The following CHL1 variants were observed in gnomAD, a reference collection of about 807,000 sequenced individuals.
CHL1 encodes the protein cell adhesion molecule L1 like, also known as neural cell adhesion molecule L1-like protein.
Under a neutral mutation model 141.9 loss-of-function variants are expected in CHL1, and 96 were observed. The ratio of observed to expected loss-of-function variants is 0.68; its 90% CI spans 0.57 to 0.80. The LOEUF (loss-of-function observed/expected upper bound fraction) is 0.80. CHL1 is among the 30% of genes least tolerant of loss of function. The pLI, the probability that CHL1 is intolerant of heterozygous loss-of-function variation, is 0.00. For synonymous variants in CHL1, 613 were observed against 502.2 expected, an observed-to-expected ratio of 1.22 and a Z score of -2.95; for missense variants, 1,820 against 1,457.2, an observed-to-expected ratio of 1.25 and a Z score of -4.05.
Position 389,276 on chromosome 3 carries a change from G to A in CHL1, c.2272G>A (p.Gly758Arg). The A allele has an allele frequency of 6.2e-7, 1 of 1,611,718 alleles. No homozygotes were observed. Among genetic ancestry groups the A allele is most frequent in the Non-Finnish European group, 8.5e-7 (1 of 1,178,770 alleles). Residue 758 changes from glycine to arginine, a missense_variant, in exon 20 of 28, where the codon GGA (glycine) becomes AGA (arginine). Transcript: ENST00000256509. The stretch of plus-strand genomic sequence containing the variant: ...GCCTTTGAAATCCATGGAGCAGAAT[G>A]GACCAGGCCTAGAGTACAGAGTGAC... ...WEPLKSMEQN[G>R]PGLEYRVTWK...
rs1269701474 is a variant in CHL1 at position 398,250 on chromosome 3, G to A, written c.3118G>A (p.Gly1040Arg). 3 of 1,604,082 alleles carry A rather than the reference G, an allele frequency of 1.9e-6. No individual in the cohort carries two copies. In the South Asian group the frequency reaches 3.3e-5, roughly 18 times the overall value. Residue 1040 changes from glycine (G) to arginine (R), a missense_variant, in exon 25 of 28, where the codon GGA (glycine) becomes AGA (arginine). Gly to Arg is a moderately radical substitution (Grantham distance 125). Transcript: ENST00000256509. ...AGGTAAAGGTATCGGGAAGATATCA[G>A]GAGTAAATCTTACTCAAAAGACTCA... Reference protein sequence around the residue: ...EGSKGIGKISGVNLTQKTHPI... With the variant: ...EGSKGIGKISRVNLTQKTHPI...
chr3:379,342 C>A (rs1429944454), intron 16 of CHL1, among the ~76,000 whole-genome samples: 93 of 152,228 alleles, frequency 6.1e-4, no homozygotes, highest in Non-Finnish European at 7.4e-5. Context: ...GTTGTCGAGT[C>A]GGCTCAGTAG....
At chr3:202,768 T>C (rs929648279) in intron 1 of CHL1, among the ~76,000 whole-genome samples, 1 of 152,218 alleles carries the variant, frequency 6.6e-6, no homozygotes, top group Non-Finnish European at 1.5e-5. Flanking sequence ...TTACTAATCT[T>C]CTTGGTTTAA....
chr3:285,029 A>G (rs925039507), intron 2 of CHL1, among the ~76,000 whole-genome samples: 7 of 152,232 alleles, frequency 4.6e-5, no homozygotes, highest in South Asian at 2.1e-4. Context: ...TGCTTGCCTT[A>G]TGAAAGTAGG....
chr3:229,590 C>A (rs773770960), intron 1 of CHL1, among the ~76,000 whole-genome samples: 3 of 152,120 alleles, frequency 2.0e-5, no homozygotes, highest in Non-Finnish European at 2.9e-5. Context: ...CTTGTGTATT[C>A]GGAAGAATTA....
chr3:214,950 G>A (rs1360833014), intron 1 of CHL1, among the ~76,000 whole-genome samples: 1 of 80,374 alleles, frequency 1.2e-5, no homozygotes, highest in Non-Finnish European at 2.5e-5. Flanking sequence ...CCTAGCATGT[G>A]CACGTGCACA....
Position 391,741 on chromosome 3 carries a change from G to T in CHL1, c.2858G>T (p.Gly953Val), listed in dbSNP as rs367930358. Residue 953 changes from glycine to valine, a missense_variant, in exon 23 of 28, where the codon GGA becomes GTA. Physicochemically the swap from Gly to Val is moderately radical, Grantham distance 109. Coordinates refer to ENST00000256509, the MANE Select transcript of CHL1 (RefSeq NM_006614.4). ...AAAGACACTGCCACTTTATCTTGGGGACTACCTAAGAAATTAAATGGAAAC... is the reference window on the plus strand; with the variant it reads ...AAAGACACTGCCACTTTATCTTGGGTACTACCTAAGAAATTAAATGGAAAC... ...VDKDTATLSW[G>V]LPKKLNGNLT... is the part of the protein sequence containing the mutation. 6.3e-7 allele frequency: 1 copy of T among 1,597,974 alleles called. No homozygotes were observed. The highest frequency in any genetic ancestry group is 8.6e-7 in the Non-Finnish European group (1 of 1,168,306).
intron 10 of CHL1, among the ~76,000 whole-genome samples, chr3:353,485 C>G (rs961961973): frequency 6.6e-6 from 1 of 152,102 alleles, no homozygotes; most frequent in Non-Finnish European, 1.5e-5. Flanking sequence ...ACAGGTAGTA[C>G]AGCTTATGAA....
At chr3:244,578 G>A (rs1021880695) in intron 1 of CHL1, 35 bp from the exon 2 acceptor site, 2 of 152,178 alleles carry the variant, frequency 1.3e-5, no homozygotes, top group Non-Finnish European at 2.9e-5. Context: ...AATGATAATT[G>A]TTTCCAAAAT....
rs1348394760 is a variant in CHL1 at position 407,843 on chromosome 3, G to A, written c.*2132G>A. The A allele has an allele frequency of 6.6e-6, 1 of 152,100 alleles. No homozygotes were observed. The highest frequency in any genetic ancestry group is 1.9e-4 in the East Asian group (1 of 5,190). 9.4% of individuals were successfully genotyped at this position (152,100 alleles called of 1,614,324 possible). A position where few individuals can be genotyped will look rare whatever the true frequency, so the allele number is the denominator to read the frequency against. On this transcript the variant is annotated 3_prime_UTR_variant, in exon 28 of 28. Transcript: ENST00000256509. ...AATATTAGCTCTTCCTACACTTCGT[G>A]TTCCCCTTTAGCTGCCTGAAAATCA...
chr3:341,965 C>G lies in CHL1; in HGVS notation c.562C>G (p.Leu188Val). The part of the protein sequence containing the change: ...ERVYMSQKGD[L>V]YFANVEEKDS... ...AGTATACATGAGCCAAAAGGGAGAT[C>G]TATACTTCGCAAACGTGGAAGAAAA... Residue 188 changes from leucine to valine, a missense_variant, in exon 7 of 28, where the codon CTA becomes GTA. By Grantham distance (32) the Leu-to-Val change is conservative. Transcript: ENST00000256509. The G allele has an allele frequency of 6.2e-7, 1 of 1,613,312 alleles. No individual in the cohort carries two copies. The highest frequency in any genetic ancestry group is 1.3e-5 in the African/African-American group (1 of 75,016).
At chr3:287,157 A>G (rs1226787284) in intron 2 of CHL1, among the ~76,000 whole-genome samples, 3 of 152,064 alleles carry the variant, frequency 2.0e-5, no homozygotes, top group Admixed American at 2.0e-4. Flanking sequence ...TGACATTTTC[A>G]TTTATACTTT....
At chr3:389,786 G>A (rs1708072479) in intron 20 of CHL1, among the ~76,000 whole-genome samples, 1 of 152,174 alleles carries the variant, frequency 6.6e-6, no homozygotes. Context: ...ACTGTCATAA[G>A]ATTTTCAAGT....
rs964185736 is a variant in CHL1 at position 289,173 on chromosome 3, A to G, written c.-94-30510A>G. Among the ~76,000 whole-genome samples, 4 of 152,180 alleles carry G rather than the reference A, an allele frequency of 2.6e-5. No individual in the cohort carries two copies. In the South Asian group the frequency reaches 8.3e-4, roughly 32 times the overall value. On this transcript the variant is annotated intron_variant, in intron 2 of 27. Coordinates refer to ENST00000256509, the MANE Select transcript of CHL1 (RefSeq NM_006614.4). ...TTAATGTAACAACTGTTTTTCATTT[A>G]AAAGGGAGTCATGAAACAAACATCT...
chr3:281,538 T>C (rs1276688546), intron 2 of CHL1, among the ~76,000 whole-genome samples: 1 of 151,450 alleles, frequency 6.6e-6, no homozygotes, highest in Non-Finnish European at 1.5e-5. Flanking sequence ...CCCAGATTTG[T>C]TTTATTTTTC....
At chr3:357,391 A>T (rs1324971375) in intron 11 of CHL1, among the ~76,000 whole-genome samples, 1 of 152,176 alleles carries the variant, frequency 6.6e-6, no homozygotes, top group Non-Finnish European at 1.5e-5. Flanking sequence ...TATCGGACTA[A>T]CCCTTTTCAC....
chr3:281,012 G>T (rs1369611414), intron 2 of CHL1, among the ~76,000 whole-genome samples: 2 of 151,942 alleles, frequency 1.3e-5, no homozygotes, highest in Non-Finnish European at 2.9e-5. Context: ...CCCAACTGGG[G>T]TTATTTTTTT....
At chr3:397,174 A>C (rs1708746857) in intron 24 of CHL1, among the ~76,000 whole-genome samples, 1 of 152,110 alleles carries the variant, frequency 6.6e-6, no homozygotes, top group African/African-American at 2.4e-5. Context: ...TATTTTTCAA[A>C]AGCTTGCACT....
At chr3:293,563 G>A (rs1697903838) in intron 2 of CHL1, among the ~76,000 whole-genome samples, 1 of 152,044 alleles carries the variant, frequency 6.6e-6, no homozygotes, top group Non-Finnish European at 1.5e-5. Flanking sequence ...AGAAAAAGGA[G>A]CAAATATAAA....
Sources: allele counts gnomAD v4.1 joint callset (sites outside exome capture counted in the v4.1 genomes callset), GRCh38; gene constraint gnomAD v4.1.1; transcripts MANE v1.5; gene names NCBI Gene and HGNC (gene_info 2026-07-23, HGNC 2026-07-21).